The following STARD3NL variants were observed in gnomAD, a reference collection of about 807,000 sequenced individuals.
STARD3NL encodes STARD3 N-terminal like, also known as STARD3 N-terminal-like protein.
A neutral mutation model predicts 30.9 loss-of-function variants in STARD3NL; 17 were observed. The ratio of observed to expected loss-of-function variants is 0.55; its 90% CI spans 0.38 to 0.82. The LOEUF is 0.82. STARD3NL is among the 40% of genes least tolerant of loss of function. STARD3NL has a pLI of 0.00. For missense variants in STARD3NL, 234 were observed against 277.6 expected, an observed-to-expected ratio of 0.84 and a Z score of 1.12; for synonymous variants, 112 against 100.5, an observed-to-expected ratio of 1.11 and a Z score of -0.69.
chr7:38,190,421 G>A (rs1784637118), intron 1 of STARD3NL, among the ~76,000 whole-genome samples: 1 of 152,180 alleles, frequency 6.6e-6, no homozygotes, highest in South Asian at 2.1e-4. Context: ...TATGTATACT[G>A]TATGCATCTT....
rs1323287478 is a variant in STARD3NL, at chr7:38,230,567, A to T, written c.*662A>T. 1.7e-4 allele frequency: 26 copies of T among 152,222 alleles called. No individual in the cohort carries two copies. Among genetic ancestry groups the T allele is most frequent in the Admixed American group, 1.6e-3 (25 of 15,270 alleles). 9.4% of individuals were successfully genotyped at this position (152,222 alleles called of 1,614,324 possible). On this transcript the variant is annotated 3_prime_UTR_variant, in exon 9 of 9. Coordinates refer to ENST00000009041, the MANE Select transcript of STARD3NL (RefSeq NM_032016.4). The stretch of plus-strand genomic sequence containing the variant: ...ATCATGTTTTTCTCTGATTGTTCTG[A>T]AATGTTCTAAATACTCTTATTTTGA...
intron 7 of STARD3NL, 98 bp downstream of exon 7, chr7:38,219,758 T>A (rs1786343967): frequency 1.1e-6 from 1 of 919,468 alleles, no homozygotes. Context: ...TATACTTAGC[T>A]AACATCTAAC....
chr7:38,198,930 A>C (rs1484918198), intron 1 of STARD3NL, among the ~76,000 whole-genome samples: 1 of 152,232 alleles, frequency 6.6e-6, no homozygotes, highest in African/African-American at 2.4e-5. Context: ...TGAGCTTGAG[A>C]ATAAATGTAT....
chr7:38,211,961 T>C (rs1785830559), intron 2 of STARD3NL, among the ~76,000 whole-genome samples: 1 of 152,088 alleles, frequency 6.6e-6, no homozygotes, highest in African/African-American at 2.4e-5. Context: ...CCTTTTCCAC[T>C]GTTTCCCTTC....
chr7:38,205,719 T>C (rs761633132), intron 1 of STARD3NL, among the ~76,000 whole-genome samples: 7 of 152,210 alleles, frequency 4.6e-5, no homozygotes, highest in Non-Finnish European at 1.0e-4. Flanking sequence ...CTAAAACTAC[T>C]GTGTACATCA....
chr7:38,206,303 C>T (rs1344340658), intron 1 of STARD3NL, among the ~76,000 whole-genome samples: 1 of 152,158 alleles, frequency 6.6e-6, no homozygotes, highest in Non-Finnish European at 1.5e-5. Flanking sequence ...CAGCTCTGGA[C>T]ACAAGTGGCA....
At chr7:38,187,138 G>A (rs1186428844) in intron 1 of STARD3NL, among the ~76,000 whole-genome samples, 1 of 152,208 alleles carries the variant, frequency 6.6e-6, no homozygotes, top group Non-Finnish European at 1.5e-5. Flanking sequence ...CCAGCTGGCT[G>A]ACTCAGCCCA....
In STARD3NL at chr7:38,207,590, A is replaced by G. The variant is rs1455554387; in HGVS notation, c.86A>G (p.Asn29Ser). Residue 29 changes from asparagine (N) to serine (S), a missense_variant, in exon 2 of 9, where the codon AAC becomes AGC. Transcript: ENST00000009041. ...TCTCTGCGCAATATCCATTCCATCA[A>G]CCCCACACAACTCATGGCCAGGATT... ...HASLRNIHSI[N>S]PTQLMARIES... is the part of the protein sequence containing the mutation. The G allele has an allele frequency of 6.2e-7, 1 of 1,614,056 alleles. No individual in the cohort carries two copies. Among genetic ancestry groups the G allele is most frequent in the Non-Finnish European group, 8.5e-7 (1 of 1,179,944 alleles).
At chr7:38,205,197 A>T (rs1785393103) in intron 1 of STARD3NL, among the ~76,000 whole-genome samples, 1 of 152,260 alleles carries the variant, frequency 6.6e-6, no homozygotes. Flanking sequence ...AGAGAATTTT[A>T]GACCAATATC....
intron 6 of STARD3NL, 111 bp downstream of exon 6, chr7:38,217,416 G>C: frequency 1.1e-6 from 1 of 950,790 alleles, no homozygotes; most frequent in Non-Finnish European, 1.6e-6. Flanking sequence ...GTTAGGCAGT[G>C]GTGGGGTCTT....
intron 7 of STARD3NL, among the ~76,000 whole-genome samples, chr7:38,224,245 G>T (rs959344522): frequency 1.1e-4 from 17 of 152,158 alleles, no homozygotes; most frequent in African/African-American, 4.1e-4. Flanking sequence ...GTTATTATAA[G>T]TATATCCAGC....
chr7:38,190,263 A>G (rs886490945), intron 1 of STARD3NL, among the ~76,000 whole-genome samples: 2 of 152,180 alleles, frequency 1.3e-5, no homozygotes, highest in African/African-American at 2.4e-5. Flanking sequence ...ATGATGACAC[A>G]CAATTTAAAA....
chr7:38,180,981 T>C (rs912380795), intron 1 of STARD3NL, among the ~76,000 whole-genome samples: 1 of 152,224 alleles, frequency 6.6e-6, no homozygotes, highest in Non-Finnish European at 1.5e-5. Context: ...CATATAAAAA[T>C]ATAATATTTC....
chr7:38,207,782 G>C (rs1457108049), intron 2 of STARD3NL, 53 bp downstream of exon 2: 4 of 1,522,378 alleles, frequency 2.6e-6, no homozygotes, highest in Non-Finnish European at 2.7e-6. Flanking sequence ...AGAGACAACA[G>C]GGTTTTTTTG....
At chr7:38,216,879 C>G (rs937903026) in intron 4 of STARD3NL, 146 bp from the exon 5 acceptor site, 5 of 857,184 alleles carry the variant, frequency 5.8e-6, no homozygotes, top group Middle Eastern at 3.4e-4. Flanking sequence ...GGGAGAGAGA[C>G]TGAGTGATAT....
intron 1 of STARD3NL, among the ~76,000 whole-genome samples, chr7:38,197,968 C>G (rs1785001794): frequency 6.6e-6 from 1 of 152,198 alleles, no homozygotes; most frequent in Admixed American, 6.5e-5. Flanking sequence ...GGGGGCCTTG[C>G]AAGACAGCCA....
chr7:38,227,800 TG>T (rs1786865634), intron 7 of STARD3NL, among the ~76,000 whole-genome samples: 1 of 152,102 alleles, frequency 6.6e-6, no homozygotes, highest in South Asian at 2.1e-4. Flanking sequence ...GTTTCCTTCT[TG>T]GGGTGTGTGT....
intron 4 of STARD3NL, chr7:38,215,316 T>C (rs1169225770): frequency 1.9e-6 from 1 of 523,208 alleles, no homozygotes. Context: ...CTCTTGGTGC[T>C]GAGCCAAATG....
chr7:38,224,426 G>A (rs1786640418), intron 7 of STARD3NL, among the ~76,000 whole-genome samples: 1 of 152,142 alleles, frequency 6.6e-6, no homozygotes, highest in Non-Finnish European at 1.5e-5. Context: ...CTCCAATAAT[G>A]TACAGTAGTC....
Sources: gnomAD v4.1 joint callset for allele counts (sites outside exome capture counted in the v4.1 genomes callset) on GRCh38, gnomAD v4.1.1 for gene constraint, MANE v1.5 for transcripts, NCBI Gene and HGNC (gene_info 2026-07-23, HGNC 2026-07-21) for gene names.